The following SEMA5A variants were observed in gnomAD, a reference collection of about 807,000 sequenced individuals.
The protein encoded by SEMA5A is semaphorin 5A, also known as semaphorin-5A.
In SEMA5A, 55 loss-of-function variants were observed where a neutral mutation model predicts 135.5. The ratio of observed to expected loss-of-function variants is 0.41; its 90% confidence interval spans 0.33 to 0.51. The LOEUF is 0.51. SEMA5A is among the 20% of genes least tolerant of loss of function. The pLI, the probability that SEMA5A is intolerant of heterozygous loss-of-function variation, is 0.37. For synonymous variants in SEMA5A, 580 were observed against 546.5 expected (o/e 1.06, Z -0.85); for missense variants, 1,290 against 1,419.9 (o/e 0.91, Z 1.47).
intron 1 of SEMA5A, chr5:9,511,844 T>A (rs1736221698): frequency 6.6e-6 from 1 of 152,068 alleles, no homozygotes; most frequent in Admixed American, 6.6e-5. Context: ...ATAAATTAAA[T>A]AATAATGAAG....
intron 5 of SEMA5A, among the ~76,000 whole-genome samples, chr5:9,280,324 G>C (rs1401805272): frequency 6.6e-6 from 1 of 152,124 alleles, no homozygotes; most frequent in Non-Finnish European, 1.5e-5. Flanking sequence ...ATGAATAATA[G>C]AAAAGTAAAG....
At chr5:9,072,424 T>G (rs1479471688) in intron 16 of SEMA5A, among the ~76,000 whole-genome samples, 1 of 152,150 alleles carries the variant, frequency 6.6e-6, no homozygotes, top group African/African-American at 2.4e-5. Context: ...CATCACGATT[T>G]CAATTGAGTA....
chr5:9,128,905 C>G (rs1205844725), intron 13 of SEMA5A, among the ~76,000 whole-genome samples: 2 of 152,130 alleles, frequency 1.3e-5, no homozygotes, highest in Admixed American at 6.5e-5. Context: ...GGCCTCCACC[C>G]ACTGGATGCC....
intron 5 of SEMA5A, among the ~76,000 whole-genome samples, chr5:9,280,616 T>C (rs952666795): frequency 1.3e-5 from 2 of 152,214 alleles, no homozygotes; most frequent in Non-Finnish European, 2.9e-5. Flanking sequence ...TTTCCTACAT[T>C]AAAAATATGC....
intron 4 of SEMA5A, among the ~76,000 whole-genome samples, chr5:9,332,771 C>T (rs1422944831): frequency 1.3e-5 from 2 of 152,240 alleles, no homozygotes; most frequent in African/African-American, 2.4e-5. Flanking sequence ...CCCTTGGTGA[C>T]TTAATGTTCT....
chr5:9,522,257 T>C (rs1736874683), intron 1 of SEMA5A, among the ~76,000 whole-genome samples: 1 of 151,860 alleles, frequency 6.6e-6, no homozygotes, highest in Admixed American at 6.6e-5. Context: ...ACAGAGAAAA[T>C]GAGGCAGAGA....
At chr5:9,089,194 G>C (rs768194405) in intron 16 of SEMA5A, among the ~76,000 whole-genome samples, 27 of 152,128 alleles carry the variant, frequency 1.8e-4, no homozygotes, top group African/African-American at 6.5e-4. Flanking sequence ...CACTTGGCAA[G>C]GATCAAACCT....
intron 2 of SEMA5A, among the ~76,000 whole-genome samples, chr5:9,401,402 A>G (rs1320728020): frequency 6.6e-6 from 1 of 152,194 alleles, no homozygotes; most frequent in African/African-American, 2.4e-5. Flanking sequence ...ATTATTAAAC[A>G]TGTCCTTCTA....
intron 5 of SEMA5A, among the ~76,000 whole-genome samples, chr5:9,295,605 T>C (rs1394321493): frequency 6.6e-6 from 1 of 152,094 alleles, no homozygotes; most frequent in Non-Finnish European, 1.5e-5. Context: ...GTTATCAGCA[T>C]GTGAGCTGGA....
At chr5:9,114,687 CA>C (rs1368678531) in intron 15 of SEMA5A, among the ~76,000 whole-genome samples, 1 of 152,026 alleles carries the variant, frequency 6.6e-6, no homozygotes, top group Non-Finnish European at 1.5e-5. Context: ...ATGCTGCTTA[CA>C]GTGAAATGTA....
chr5:9,127,726 G>A (rs1741193388), intron 13 of SEMA5A, among the ~76,000 whole-genome samples: 1 of 152,092 alleles, frequency 6.6e-6, no homozygotes, highest in Non-Finnish European at 1.5e-5. Context: ...GCAGAATTGG[G>A]ACAAATTAGA....
At chr5:9,376,323 A>G (rs937872989) in intron 3 of SEMA5A, among the ~76,000 whole-genome samples, 51 of 152,232 alleles carry the variant, frequency 3.4e-4, no homozygotes, top group African/African-American at 1.1e-3. Context: ...AGGACCCGCA[A>G]TGCTCCCTCT....
intron 10 of SEMA5A, 34 bp downstream of exon 10, chr5:9,197,134 T>C (rs1386623693): frequency 1.2e-6 from 2 of 1,613,396 alleles, no homozygotes; most frequent in Non-Finnish European, 1.7e-6. Flanking sequence ...TCATGGGGGA[T>C]GCCAACAGTG....
chr5:9,450,703 A>T (rs910741114), intron 1 of SEMA5A, among the ~76,000 whole-genome samples: 2 of 152,152 alleles, frequency 1.3e-5, no homozygotes, highest in African/African-American at 2.4e-5. Context: ...TTTAGAAAAC[A>T]CATATGTGCT....
rs558714143 is a variant in SEMA5A, at chr5:9,196,063, C to T, written c.1068+1105G>A. ...CATAGCACTGCCACCAGTGTGCAAG[C>T]TGATCTATCTGAAGCATCTAGCACA... On this transcript the variant is annotated intron_variant, in intron 10 of 22. Coordinates refer to ENST00000382496, the MANE Select transcript of SEMA5A (RefSeq NM_003966.3). Among the ~76,000 whole-genome samples the T allele has an allele frequency of 3.6e-3, 551 of 152,348 alleles. 6 individuals are homozygous for T. The highest frequency in any genetic ancestry group is 0.013 in the African/African-American group (522 of 41,592).
intron 1 of SEMA5A, among the ~76,000 whole-genome samples, chr5:9,444,014 G>A (rs1758335923): frequency 1.3e-5 from 2 of 152,196 alleles, no homozygotes; most frequent in African/African-American, 4.8e-5. Flanking sequence ...GGGGTCAGAG[G>A]CTGATCCATG....
intron 2 of SEMA5A, among the ~76,000 whole-genome samples, chr5:9,415,378 T>C (rs1008450652): frequency 2.6e-5 from 4 of 152,048 alleles, no homozygotes; most frequent in East Asian, 1.9e-4. Flanking sequence ...ACATGTAAGA[T>C]GTGTTGGGGC....
At chr5:9,290,959 A>T (rs967872255) in intron 5 of SEMA5A, among the ~76,000 whole-genome samples, 1 of 152,126 alleles carries the variant, frequency 6.6e-6, no homozygotes, top group Admixed American at 6.5e-5. Context: ...TGCCTTAGAA[A>T]CTCACTTTGG....
At chr5:9,170,547 C>T (rs1392455343) in intron 11 of SEMA5A, among the ~76,000 whole-genome samples, 1 of 151,952 alleles carries the variant, frequency 6.6e-6, no homozygotes, top group African/African-American at 2.4e-5. Flanking sequence ...AGGTGGGGGG[C>T]TTTGGGAAGT....
Sources: gnomAD v4.1 joint callset for allele counts (sites outside exome capture counted in the v4.1 genomes callset) on GRCh38, gnomAD v4.1.1 for gene constraint, MANE v1.5 for transcripts, NCBI Gene and HGNC (gene_info 2026-07-23, HGNC 2026-07-21) for gene names.